PKP4: variants seen among roughly 807,000 people sequenced by gnomAD.
PKP4 encodes the protein plakophilin-4.
A neutral mutation model predicts 145.1 loss-of-function variants in PKP4; 90 were observed. The observed-to-expected ratio is 0.62, with a 90% confidence interval of 0.52 to 0.74. PKP4 has a LOEUF of 0.74. Ranked by LOEUF, PKP4 falls within the 30% of genes least tolerant of loss-of-function variation. The probability of loss-of-function intolerance (pLI) is 0.00; values close to 1 mark genes in which losing one functional copy is unlikely to be tolerated. For missense variants in PKP4, 1,340 were observed against 1,482.7 expected (o/e 0.90, Z 1.58); for synonymous variants, 563 against 577.2 (o/e 0.98, Z 0.35).
In PKP4 at chr2:158,673,997, T is replaced by C. The variant is rs755176781; in HGVS notation, c.3124T>C (p.Ser1042Pro). ...CCAACAGATGTCACCCATCATTCAG[T>C]CAGGTCAGTGGGAAAATGCCACTCC... is the stretch of plus-strand genomic sequence containing the variant. ...TNQQMSPIIQ[S>P]VGSTSSSPAL... Residue 1042 changes from serine to proline, a missense_variant, in exon 19 of 22, where the codon TCA (serine) becomes CCA (proline). Coordinates refer to ENST00000389759, the MANE Select transcript of PKP4 (RefSeq NM_003628.6). 3 of 1,553,734 alleles carry C rather than the reference T, an allele frequency of 1.9e-6. No homozygotes were observed. Among genetic ancestry groups the C allele is most frequent in the Non-Finnish European group, 1.8e-6 (2 of 1,124,696 alleles).
chr2:158,678,845 G>C lies in PKP4; in HGVS notation c.3330+191G>C, dbSNP rs2058239502. 6.5e-6 allele frequency: 4 copies of C among 616,174 alleles called. No homozygotes were observed. In the South Asian group the frequency reaches 7.7e-5, roughly 12 times the overall value. 38.2% of individuals were successfully genotyped at this position (616,174 alleles called of 1,614,324 possible). A position where few individuals can be genotyped will look rare whatever the true frequency, so the allele number is the denominator to read the frequency against. The stretch of plus-strand genomic sequence containing the variant: ...TTCCACGGTAGCCTCACGTTCTTGA[G>C]TATCCACATCGGTACTGCTGAGACC... On this transcript the variant is annotated intron_variant, in intron 21 of 21. Coordinates refer to ENST00000389759, the MANE Select transcript of PKP4 (RefSeq NM_003628.6).
intron 1 of PKP4, among the ~76,000 whole-genome samples, chr2:158,484,334 A>G (rs1401820025): frequency 6.6e-6 from 1 of 152,196 alleles, no homozygotes; most frequent in Non-Finnish European, 1.5e-5. Context: ...GGCGTGAGCC[A>G]CCGCGCCCGG....
chr2:158,609,217 T>A (rs2050918869), intron 4 of PKP4, among the ~76,000 whole-genome samples: 1 of 152,170 alleles, frequency 6.6e-6, no homozygotes, highest in Non-Finnish European at 1.5e-5. Context: ...TTCTATAAAT[T>A]TTGACAATTG....
chr2:158,521,898 T>C (rs1217935039), intron 1 of PKP4, among the ~76,000 whole-genome samples: 3 of 152,232 alleles, frequency 2.0e-5, no homozygotes, highest in Non-Finnish European at 4.4e-5. Flanking sequence ...TCTACACTTT[T>C]ATCTGACATT....
Position 158,624,908 on chromosome 2 carries a change from G to A in PKP4, c.634G>A (p.Val212Ile). Residue 212 changes from valine (V) to isoleucine (I), a missense_variant, in exon 7 of 22, where the codon GTT becomes ATT. Coordinates refer to ENST00000389759, the MANE Select transcript of PKP4 (RefSeq NM_003628.6). Reference sequence around the variant, plus strand: ...AGTAGCCAATCGGGCCATGAGAAGAGTTAGTTCAGTTCCATCTAGAGCACA... The same window carrying A: ...AGTAGCCAATCGGGCCATGAGAAGAATTAGTTCAGTTCCATCTAGAGCACA... ...PSVANRAMRR[V>I]SSVPSRAQSP... is the part of the protein sequence containing the mutation. 1 of 1,607,858 alleles carries A rather than the reference G, an allele frequency of 6.2e-7. No homozygotes were observed. The highest frequency in any genetic ancestry group is 8.5e-7 in the Non-Finnish European group (1 of 1,175,938).
chr2:158,637,050 A>C (rs1285330355), intron 9 of PKP4, among the ~76,000 whole-genome samples: 1 of 152,058 alleles, frequency 6.6e-6, no homozygotes, highest in Non-Finnish European at 1.5e-5. Flanking sequence ...ATGTTTAGTC[A>C]TTTTAAATTA....
chr2:158,626,127 G>A (rs952841257), intron 7 of PKP4, among the ~76,000 whole-genome samples: 3 of 152,062 alleles, frequency 2.0e-5, no homozygotes, highest in Admixed American at 1.3e-4. Context: ...ATACAGAATG[G>A]TAAAAATTAA....
At chr2:158,593,623 G>A (rs2049461307) in intron 3 of PKP4, among the ~76,000 whole-genome samples, 1 of 152,142 alleles carries the variant, frequency 6.6e-6, no homozygotes, top group South Asian at 2.1e-4. Flanking sequence ...TCCCTATGAA[G>A]GTTACTTGAA....
At chr2:158,494,909 G>C (rs892152150) in intron 1 of PKP4, among the ~76,000 whole-genome samples, 1 of 151,714 alleles carries the variant, frequency 6.6e-6, no homozygotes, top group East Asian at 1.9e-4. Flanking sequence ...ATTTTTAGTA[G>C]TCAGGAAAAC....
At chr2:158,490,260 C>G (rs956798144) in intron 1 of PKP4, among the ~76,000 whole-genome samples, 1 of 150,970 alleles carries the variant, frequency 6.6e-6, no homozygotes, top group African/African-American at 2.4e-5. Flanking sequence ...TTGAACGTGT[C>G]GATGCAAGAG....
intron 2 of PKP4, among the ~76,000 whole-genome samples, chr2:158,556,997 A>T (rs2046151154): frequency 6.6e-6 from 1 of 152,118 alleles, no homozygotes; most frequent in Non-Finnish European, 1.5e-5. Context: ...GATAAAGAGC[A>T]TCAACTCTGG....
At chr2:158,508,366 C>CAAAAAAAAA (rs747754927) in intron 1 of PKP4, among the ~76,000 whole-genome samples, 3 of 115,884 alleles carry the variant, frequency 2.6e-5, no homozygotes, top group Non-Finnish European at 5.4e-5. Context: ...AACTCCGTCT[C>CAAAAAAAAA]AAAAAAAAAA....
At chr2:158,628,689 A>G (rs1353266563) in intron 7 of PKP4, among the ~76,000 whole-genome samples, 1 of 152,250 alleles carries the variant, frequency 6.6e-6, no homozygotes, top group Non-Finnish European at 1.5e-5. Context: ...TTCTCATGAA[A>G]TCATAGTCTG....
At chr2:158,464,921 A>T (rs1278308959) in intron 1 of PKP4, among the ~76,000 whole-genome samples, 1 of 152,218 alleles carries the variant, frequency 6.6e-6, no homozygotes, top group Admixed American at 6.5e-5. Context: ...TTCATTTTGC[A>T]TACTTATTTA....
chr2:158,673,688 A>C lies in PKP4; in HGVS notation c.2936A>C (p.Lys979Thr), dbSNP rs1264704335. The stretch of plus-strand genomic sequence containing the variant: ...TGCTCTCTACCTAGATCATCTCTGA[A>C]AGTGGTGAAGGCAGCAGCCCAGGTC... ...TKGRGDRSSLKVVKAAAQVLN... is the reference protein window; with the variant it reads ...TKGRGDRSSLTVVKAAAQVLN... Residue 979 changes from lysine to threonine, a missense_variant, in exon 18 of 22, where the codon AAA becomes ACA. Coordinates refer to ENST00000389759, the MANE Select transcript of PKP4 (RefSeq NM_003628.6). The C allele has an allele frequency of 1.9e-6, 3 of 1,611,450 alleles. No homozygotes were observed. The highest frequency in any genetic ancestry group is 2.5e-6 in the Non-Finnish European group (3 of 1,178,310).
At chr2:158,580,161 T>G (rs1215847053) in intron 3 of PKP4, among the ~76,000 whole-genome samples, 1 of 152,212 alleles carries the variant, frequency 6.6e-6, no homozygotes. Flanking sequence ...ACTTGTGAAT[T>G]TTAAAATGTT....
At chr2:158,661,762 G>C (rs1479129657) in intron 13 of PKP4, 2 of 247,824 alleles carry the variant, frequency 8.1e-6, no homozygotes, top group East Asian at 2.0e-4. Flanking sequence ...TAGAATCAGA[G>C]CCATCAGTAT....
rs148945426 is a variant in PKP4 at position 158,561,402 on chromosome 2, A to G, written c.133-15869A>G. 1.6e-3 allele frequency among the ~76,000 whole-genome samples: 238 copies of G among 152,350 alleles called. 2 individuals carry two copies. The highest frequency in any genetic ancestry group is 5.5e-3 in the African/African-American group (227 of 41,586). ...CTCACACACCTTAGGTCTTTTGATC[A>G]TTTCAGCAGCCAGCAATGCAGATGG... On this transcript the variant is annotated intron_variant, in intron 2 of 21. Transcript: ENST00000389759.
chr2:158,538,439 A>G (rs1162626900), intron 2 of PKP4, among the ~76,000 whole-genome samples: 1 of 151,976 alleles, frequency 6.6e-6, no homozygotes, highest in Non-Finnish European at 1.5e-5. Flanking sequence ...TGCACATGTA[A>G]TATTCATTAG....
Sources: gnomAD v4.1 joint callset for allele counts (sites outside exome capture counted in the v4.1 genomes callset) on GRCh38, gnomAD v4.1.1 for gene constraint, MANE v1.5 for transcripts, NCBI Gene and HGNC (gene_info 2026-07-23, HGNC 2026-07-21) for gene names.